The following C3 variants were observed in gnomAD, a reference collection of about 807,000 sequenced individuals.
C3 encodes C3 and PZP-like alpha-2-macroglobulin domain-containing protein 1.
Under a neutral mutation model 207.9 loss-of-function variants are expected in C3, and 97 were observed. The ratio of observed to expected loss-of-function variants is 0.47; its 90% confidence interval spans 0.40 to 0.55. The LOEUF is 0.55. C3 is among the 20% of genes least tolerant of loss of function. The pLI, the probability that C3 is intolerant of heterozygous loss-of-function variation, is 0.00. For missense variants in C3, 1,684 were observed against 2,171.7 expected, an observed-to-expected ratio of 0.78 and a Z score of 4.46; for synonymous variants, 848 against 857.6, an observed-to-expected ratio of 0.99 and a Z score of 0.20.
At chr19:6,717,901 T>C (rs1160707492) in intron 4 of C3, 193 bp downstream of exon 4, 2 of 672,106 alleles carry the variant, frequency 3.0e-6, no homozygotes, top group Non-Finnish European at 5.5e-6. Flanking sequence ...TCTGTGTGTG[T>C]ATTGTGTGCT....
In C3 at chr19:6,697,511, T is replaced by A. The variant is rs1383880999; in HGVS notation, c.2629A>T (p.Thr877Ser). The A allele has an allele frequency of 1.2e-6, 2 of 1,613,852 alleles. No homozygotes were observed. The highest frequency in any genetic ancestry group is 1.7e-6 in the Non-Finnish European group (2 of 1,179,960). The change falls in exon 21 of 41, where the codon ACC becomes TCC. Residue 877 changes from threonine (T) to serine (S), a missense_variant. Thr to Ser is a moderately conservative substitution (Grantham distance 58). Transcript: ENST00000245907. ...LHNPAFCSLA[T>S]TKRRHQQTVT... ...GTCTGCTGGTGACGCCTCTTGGTGG[T>A]GGCCAGGCTGCAGAAGGCTGGATTG...
rs2145428472 is a variant in C3, at chr19:6,711,144, A to G, written c.1322T>C (p.Met441Thr). ...LSEAEQATRT[M>T]QALPYSTVGN... is the part of the protein sequence containing the mutation. Reference sequence around the variant, plus strand: ...CACGGTGCTGTAGGGCAGAGCCTGCATGGTCCTGGTAGCCTGCTCTGCCTC... The same window carrying G: ...CACGGTGCTGTAGGGCAGAGCCTGCGTGGTCCTGGTAGCCTGCTCTGCCTC... The change falls in exon 12 of 41, where the codon ATG (methionine) becomes ACG (threonine). Residue 441 changes from methionine to threonine, a missense_variant. Physicochemically the swap from Met to Thr is moderately conservative, Grantham distance 81 (BLOSUM62 -1). Coordinates refer to ENST00000245907, the MANE Select transcript of C3 (RefSeq NM_000064.4). The G allele has an allele frequency of 6.2e-7, 1 of 1,614,060 alleles. No homozygotes were observed. Among genetic ancestry groups the G allele is most frequent in the Non-Finnish European group, 8.5e-7 (1 of 1,180,010 alleles).
Position 6,677,812 on chromosome 19 carries a change from C to G in C3, c.*70G>C. The stretch of plus-strand genomic sequence containing the variant: ...CGGCTGGGGATTTCAGCCTCTCCCT[C>G]TTGGCAAAGAACTCCAGACACGTGA... On this transcript the variant is annotated 3_prime_UTR_variant, in exon 41 of 41. Coordinates refer to ENST00000245907, the MANE Select transcript of C3 (RefSeq NM_000064.4). The G allele has an allele frequency of 1.9e-6, 3 of 1,597,070 alleles. No homozygotes were observed. The highest frequency in any genetic ancestry group is 2.2e-5 in the East Asian group (1 of 44,732).
In C3 at chr19:6,693,106, G is replaced by A. The variant is rs758632857; in HGVS notation, c.3231-23C>T. 23 of 1,612,800 alleles carry A rather than the reference G, an allele frequency of 1.4e-5. No individual in the cohort carries two copies. In the East Asian group the frequency reaches 5.1e-4, roughly 36 times the overall value. On this transcript the variant is annotated intron_variant, in intron 25 of 40. Coordinates refer to ENST00000245907, the MANE Select transcript of C3 (RefSeq NM_000064.4). ...AGCCTGGAGTGGGCACAGAGCATGA[G>A]CCAATCGGCTCTGAGATCCAGAGAC...
chr19:6,695,628 T>C (rs923270909), intron 23 of C3, among the ~76,000 whole-genome samples: 5 of 151,902 alleles, frequency 3.3e-5, no homozygotes, highest in African/African-American at 1.2e-4. Flanking sequence ...TACAGGCATG[T>C]GCCACCACGC....
chr19:6,714,731 A>G (rs751933717), intron 4 of C3, among the ~76,000 whole-genome samples: 2 of 152,170 alleles, frequency 1.3e-5, no homozygotes, highest in Non-Finnish European at 2.9e-5. Flanking sequence ...GCATGGTGGT[A>G]GGCACCCGTA....
rs376548288 is a variant in C3, at chr19:6,709,825, G to C, written c.1704C>G (p.Gly568=). ...SCVGSLVVKS[G]QSEDRQPVPG... ...GTACAGGCTGCCGGTCTTCTGACTG[G>C]CCGCTTTTTACCACCAGCTGTGGGG... Residue 568 remains glycine, a synonymous_variant, in exon 14 of 41, where the codon GGC becomes GGG. Coordinates refer to ENST00000245907, the MANE Select transcript of C3 (RefSeq NM_000064.4). 19 of 1,613,778 alleles carry C rather than the reference G, an allele frequency of 1.2e-5. No homozygotes were observed. The highest frequency in any genetic ancestry group is 1.3e-5 in the Non-Finnish European group (15 of 1,180,040).
At chr19:6,685,770 G>T (rs967087513) in intron 29 of C3, among the ~76,000 whole-genome samples, 1 of 152,104 alleles carries the variant, frequency 6.6e-6, no homozygotes, top group Non-Finnish European at 1.5e-5. Flanking sequence ...CTGGGAACAT[G>T]GTCTAGAACC....
At chr19:6,707,042 C>G in intron 17 of C3, 34 bp downstream of exon 17, 1 of 1,558,380 alleles carries the variant, frequency 6.4e-7, no homozygotes, top group Non-Finnish European at 8.7e-7. Flanking sequence ...CATCAGACGG[C>G]CCCCTCCCCC....
chr19:6,702,428 T>G, intron 18 of C3, 43 bp downstream of exon 18: 1 of 1,312,618 alleles, frequency 7.6e-7, no homozygotes, highest in Non-Finnish European at 1.1e-6. Context: ...AATTAAACGG[T>G]CTGACTCTGG....
chr19:6,709,652 C>T (rs1389492051), intron 14 of C3, 32 bp downstream of exon 14: 2 of 1,603,908 alleles, frequency 1.2e-6, no homozygotes, highest in South Asian at 2.2e-5. Context: ...GCCTCCGCCT[C>T]TTCTCAGCAG....
chr19:6,707,669 G>A, intron 15 of C3, 131 bp downstream of exon 15: 1 of 1,523,952 alleles, frequency 6.6e-7, no homozygotes, highest in African/African-American at 1.4e-5. Context: ...AGGCTCAGAG[G>A]GGAGGGATTT....
intron 26 of C3, among the ~76,000 whole-genome samples, chr19:6,691,425 G>C (rs1012039546): frequency 2.6e-5 from 4 of 152,120 alleles, no homozygotes; most frequent in African/African-American, 9.7e-5. Flanking sequence ...ATGAACTGTG[G>C]GAGTGTGACC....
In C3 at chr19:6,678,005, C is replaced by T. The variant is rs539822147; in HGVS notation, c.4869G>A (p.Gly1623=). 4.3e-6 allele frequency: 7 copies of T among 1,614,100 alleles called. 1 individual carries two copies. In the South Asian group the frequency reaches 6.6e-5, roughly 15 times the overall value. ...GEKPNLSYII[G]KDTWVEHWPE... is the part of the protein sequence containing the mutation. ...GCCAGTGCTCCACCCAAGTGTCCTTCCCGATGATGTAGCTGAGGCTGGAGG... is the reference window on the plus strand; with the variant it reads ...GCCAGTGCTCCACCCAAGTGTCCTTTCCGATGATGTAGCTGAGGCTGGAGG... The change falls in exon 41 of 41, where the codon GGG becomes GGA. Residue 1623 remains glycine, a synonymous_variant. Transcript: ENST00000245907.
chr19:6,713,446 T>C lies in C3; in HGVS notation c.837A>G (p.Glu279=). 1 of 1,613,918 alleles carries C rather than the reference T, an allele frequency of 6.2e-7. No individual in the cohort carries two copies. The highest frequency in any genetic ancestry group is 8.5e-7 in the Non-Finnish European group (1 of 1,179,942). Residue 279 remains glutamate (E), a synonymous_variant, in exon 8 of 41, where the codon GAA becomes GAG. Coordinates refer to ENST00000245907, the MANE Select transcript of C3 (RefSeq NM_000064.4). ...AFVIFGIQDG[E]QRISLPESLK... ...GGGATTCAGGCAGGGAAATCCTCTG[T>C]TCGCCATCCTGGATCCCGAAGATGA...
In C3 at chr19:6,677,772, G is replaced by T; in HGVS notation, c.*110C>A. ...GTGAGGTTTCAAGTAGGATGGAGCT[G>T]AGCTGCAGGTGAGGCGGCTGGGGAT... is the stretch of plus-strand genomic sequence containing the variant. On this transcript the variant is annotated 3_prime_UTR_variant, in exon 41 of 41. Coordinates refer to ENST00000245907, the MANE Select transcript of C3 (RefSeq NM_000064.4). 7.4e-7 allele frequency: 1 copy of T among 1,349,572 alleles called. No homozygotes were observed. Among genetic ancestry groups the T allele is most frequent in the Non-Finnish European group, 1.0e-6 (1 of 959,666 alleles). 83.6% of individuals were successfully genotyped at this position (1,349,572 alleles called of 1,614,324 possible). A position where few individuals can be genotyped will look rare whatever the true frequency, so the allele number is the denominator to read the frequency against.
rs199911426 is a variant in C3, at chr19:6,679,161, G to A, written c.4594C>T (p.Arg1532Trp). 142 of 1,614,012 alleles carry A rather than the reference G, an allele frequency of 8.8e-5. No individual in the cohort carries two copies. The highest frequency in any genetic ancestry group is 1.1e-4 in the Non-Finnish European group (129 of 1,180,004). Residue 1532 changes from arginine to tryptophan, a missense_variant, in exon 38 of 41, where the codon CGG becomes TGG. Transcript: ENST00000245907. ...KSDDKVTLEE[R>W]LDKACEPGVD... ...CCTGGCTCACAGGCCTTGTCCAGCC[G>A]TTCTTCCAGGGTGACCTTGTCATCC... is the stretch of plus-strand genomic sequence containing the variant.
chr19:6,709,611 T>TCCCCCCCCCCCCCCCCCCCCC, intron 14 of C3, 73 bp downstream of exon 14: 17 of 1,109,374 alleles, frequency 1.5e-5, no homozygotes, highest in Middle Eastern at 2.0e-4. Context: ...CCCTCTCCAG[T>TCCCCCCCCCCCCCCCCCCCCC]CCCACCCACC....
Position 6,709,687 on chromosome 19 carries a change from A to T in C3, c.1842T>A (p.Ser614Arg). 1 of 1,601,900 alleles carries T rather than the reference A, an allele frequency of 6.2e-7. No homozygotes were observed. The highest frequency in any genetic ancestry group is 1.1e-5 in the South Asian group (1 of 90,802). The stretch of plus-strand genomic sequence containing the variant: ...GCCTTGGGTCACTGGCCCTTACCTT[A>T]CTCTGCGTCAGTTTGTTCTTCTTAT... The part of the protein sequence containing the change: ...VLNKKNKLTQ[S>R]KIWDVVEKAD... The change falls in exon 14 of 41, where the codon AGT (serine) becomes AGA (arginine). Residue 614 changes from serine (S) to arginine (R), a missense_variant. Physicochemically the swap from Ser to Arg is moderately radical, Grantham distance 110. Around this residue, in one of 3 missense-constraint regions of C3, gnomAD observed 1,280 missense variants for 1,739.1 expected, o/e 0.74. Transcript: ENST00000245907.
Sources: allele counts gnomAD v4.1 joint callset (sites outside exome capture counted in the v4.1 genomes callset), GRCh38; gene constraint gnomAD v4.1.1; regional missense constraint gnomAD v4.1.1; transcripts MANE v1.5; gene names NCBI Gene and HGNC (gene_info 2026-07-23, HGNC 2026-07-21).